Variants in PWWP2A observed in about 807,000 individuals in gnomAD.
The protein encoded by PWWP2A is PWWP domain containing 2A.
Under a neutral mutation model 48.5 loss-of-function variants are expected in PWWP2A, and 18 were observed. The ratio of observed to expected loss-of-function variants is 0.37; its 90% CI spans 0.26 to 0.55. The LOEUF (loss-of-function observed/expected upper bound fraction) is 0.55, where lower values mean the gene tolerates loss of function less well. PWWP2A is among the 20% of genes least tolerant of loss of function. The pLI is 0.81. For synonymous variants in PWWP2A, 396 were observed against 387.7 expected (o/e 1.02, Z -0.25); for missense variants, 867 against 976.4 (o/e 0.89, Z 1.49).
At chr5:160,098,313 A>C (rs2546962) in intron 1 of PWWP2A, among the ~76,000 whole-genome samples, 148,028 of 152,292 alleles carry the variant, frequency 0.97, 71,969 homozygotes, top group East Asian at 1. Flanking sequence ...GGAAATAAAA[A>C]TGGTAATTGT....
At position 160,119,211 on chromosome 5, in the gene PWWP2A, C is replaced by T; in HGVS notation, c.178G>A (p.Ala60Thr). The change falls in exon 1 of 2, where the codon GCT (alanine) becomes ACT (threonine). Residue 60 changes from alanine (A) to threonine (T), a missense_variant. Transcript: ENST00000307063. ...PDGETDGQQS[A>T]PQADEPPLPP... ...AGCGGCGGCTCGTCGGCCTGAGGAG[C>T]GGATTGCTGCCCGTCAGTCTCGCCA... 1.4e-6 allele frequency: 2 copies of T among 1,447,034 alleles called. No individual in the cohort carries two copies. Among genetic ancestry groups the T allele is most frequent in the Non-Finnish European group, 1.8e-6 (2 of 1,113,640 alleles). 89.6% of individuals were successfully genotyped at this position (1,447,034 alleles called of 1,614,324 possible).
rs752758299 is a variant in PWWP2A at position 160,119,018 on chromosome 5, G to A, written c.371C>T (p.Pro124Leu). The A allele has an allele frequency of 5.6e-6, 9 of 1,598,984 alleles. No homozygotes were observed. Among genetic ancestry groups the A allele is most frequent in the Non-Finnish European group, 3.4e-6 (4 of 1,176,108 alleles). The change falls in exon 1 of 2, where the codon CCC becomes CTC. Residue 124 changes from proline (P) to leucine (L), a missense_variant. Physicochemically the swap from Pro to Leu is moderately conservative, Grantham distance 98. Around this residue, in one of 4 missense-constraint regions of PWWP2A, gnomAD observed 385 missense variants for 396.9 expected, o/e 0.97. Coordinates refer to ENST00000307063, the MANE Select transcript of PWWP2A (RefSeq NM_001130864.2). ...CTCCTCGCGCTCCTCGGGAGCCGGG[G>A]GCTGCTCCGGCGGCGATGCAGGAGA... ...PPSPASPPEQ[P>L]PAPEEREEPP...
the PWWP2A span, among the ~76,000 whole-genome samples, chr5:160,046,255 C>T: frequency 6.6e-6 from 1 of 152,206 alleles, no homozygotes; most frequent in African/African-American, 2.4e-5. Context: ...GCAGTTTCAT[C>T]TTGCTCAATT....
At chr5:160,065,063 T>C (rs1581135594) in intron 4 of PWWP2A, 5 of 1,608,232 alleles carry the variant, frequency 3.1e-6, no homozygotes, top group Non-Finnish European at 4.2e-6. Flanking sequence ...TAATAACAGA[T>C]AACAAAGATA....
chr5:160,088,220 T>A (rs1044498721), downstream of PWWP2A, among the ~76,000 whole-genome samples: 5 of 152,158 alleles, frequency 3.3e-5, no homozygotes, highest in Admixed American at 3.3e-4. Context: ...ATGTCCGGCA[T>A]GTTTTTTGTT....
chr5:160,110,563 A>G (rs546414024), intron 1 of PWWP2A, among the ~76,000 whole-genome samples: 6 of 151,634 alleles, frequency 4.0e-5, no homozygotes, highest in African/African-American at 1.4e-4. Context: ...AAAATTAGCC[A>G]GGTGTGGTGG....
downstream of PWWP2A, among the ~76,000 whole-genome samples, chr5:160,057,850 C>A (rs1325664500): frequency 6.6e-6 from 1 of 152,138 alleles, no homozygotes; most frequent in East Asian, 1.9e-4. This position sits in a 1 kb window ranked among gnomAD's most constrained non-coding sequence, Gnocchi z 4.4. Context: ...CTCACTGCAA[C>A]CCCGCCTCCT....
chr5:160,064,811 T>A, intron 4 of PWWP2A: 1 of 1,110,462 alleles, frequency 9.0e-7, no homozygotes, highest in Non-Finnish European at 1.3e-6. Flanking sequence ...AAAGTAGGCA[T>A]TTCTTTAACT....
intron 1 of PWWP2A, among the ~76,000 whole-genome samples, chr5:160,109,774 A>ATATATATAT (rs1284977515): frequency 3.6e-4 from 9 of 25,216 alleles, no homozygotes; most frequent in Admixed American, 6.7e-4. Context: ...AAAAAAAAAA[A>ATATATATAT]ATATATATAT....
chr5:160,081,414 A>AT (rs920185455), intron 2 of PWWP2A, among the ~76,000 whole-genome samples: 2 of 151,896 alleles, frequency 1.3e-5, no homozygotes, highest in African/African-American at 2.4e-5. Context: ...AATTTTTTAT[A>AT]TTTTTAGTAG....
chr5:160,103,744 AG>A (rs1421025582), intron 1 of PWWP2A, among the ~76,000 whole-genome samples: 4 of 152,168 alleles, frequency 2.6e-5, no homozygotes, highest in African/African-American at 9.7e-5. Context: ...TGGCAGAAAA[AG>A]AGGAGGGCAT....
chr5:160,074,332 G>C (rs909806528), downstream of PWWP2A, among the ~76,000 whole-genome samples: 1 of 151,798 alleles, frequency 6.6e-6, no homozygotes, highest in Non-Finnish European at 1.5e-5. Context: ...CAGCTATTCG[G>C]GAGGCTGAGG....
chr5:160,068,311 T>G (rs115052716), intron 2 of PWWP2A, among the ~76,000 whole-genome samples: 5 of 152,198 alleles, frequency 3.3e-5, no homozygotes, highest in Non-Finnish European at 7.3e-5. Flanking sequence ...TGGGTCAAAA[T>G]AATTTTTGGA....
downstream of PWWP2A, among the ~76,000 whole-genome samples, chr5:160,086,831 T>C (rs754481841): frequency 1.3e-5 from 2 of 152,244 alleles, no homozygotes; most frequent in Non-Finnish European, 2.9e-5. Context: ...AAATTAGTAA[T>C]GGAATTAAAC....
At position 160,093,195 on chromosome 5, in the gene PWWP2A, T is replaced by C; in HGVS notation, c.1455A>G (p.Glu485=). ...GTCCTGTCTTCAGAGAAGAGTCATT[T>C]TCTTCATTCCTGTACCTCTGTGGTT... ...RLKPQRYRNE[E]NDSSLKTGLE... Residue 485 remains glutamate (E), a synonymous_variant, in exon 2 of 2, where the codon GAA becomes GAG. Transcript: ENST00000307063. The surrounding 1 kb of genome is among the most constrained non-coding windows in gnomAD (Gnocchi z 5.8). 6.2e-7 allele frequency: 1 copy of C among 1,614,022 alleles called. No individual in the cohort carries two copies. Among genetic ancestry groups the C allele is most frequent in the Non-Finnish European group, 8.5e-7 (1 of 1,179,892 alleles).
the PWWP2A span, among the ~76,000 whole-genome samples, chr5:160,045,508 ACACACATACACACT>A: frequency 1.8e-4 from 14 of 75,858 alleles, no homozygotes; most frequent in African/African-American, 2.9e-4. Context: ...ACACACACAC[ACACACATACACACT>A]CTCTCTCTCT....
intron 1 of PWWP2A, among the ~76,000 whole-genome samples, chr5:160,113,498 G>A (rs541029136): frequency 1.6e-4 from 25 of 152,244 alleles, no homozygotes; most frequent in African/African-American, 4.3e-4. Context: ...CATGCATAAC[G>A]TCAAGCATAA....
downstream of PWWP2A, chr5:160,090,278 A>G: frequency 1.0e-6 from 1 of 985,352 alleles, no homozygotes; most frequent in South Asian, 4.7e-5. Context: ...TGTCTACTTC[A>G]AACTACTGTT....
At chr5:160,068,063 C>T (rs1463997803) in intron 2 of PWWP2A, among the ~76,000 whole-genome samples, 2 of 152,180 alleles carry the variant, frequency 1.3e-5, no homozygotes, top group Admixed American at 1.3e-4. Context: ...TGCCTGTAAT[C>T]CCAGCTACTT....
Sources: gnomAD v4.1 joint callset for allele counts (sites outside exome capture counted in the v4.1 genomes callset) on GRCh38, gnomAD v4.1.1 for gene constraint, gnomAD v4.1.1 regional missense constraint, Gnocchi (gnomAD v3.1) non-coding constraint, MANE v1.5 for transcripts, NCBI Gene and HGNC (gene_info 2026-07-23, HGNC 2026-07-21) for gene names.